SLC25A20: variants seen among roughly 807,000 people sequenced by gnomAD.
SLC25A20 encodes the protein mitochondrial carnitine/acylcarnitine carrier protein.
SLC25A20 carries 29 observed loss-of-function variants against 39.7 expected under a neutral mutation model. The ratio of observed to expected loss-of-function variants is 0.73; its 90% CI spans 0.54 to 1.00. SLC25A20 has a LOEUF of 1.00. Ranked by LOEUF, SLC25A20 falls within the 50% of genes least tolerant of loss-of-function variation. SLC25A20 has a pLI of 0.00. For synonymous variants in SLC25A20, 103 were observed against 142.2 expected, an observed-to-expected ratio of 0.72 and a Z score of 1.96; for missense variants, 333 against 379.9, an observed-to-expected ratio of 0.88 and a Z score of 1.03.
chr3:48,860,706 C>T (rs2083619782), intron 5 of SLC25A20, among the ~76,000 whole-genome samples: 3 of 150,898 alleles, frequency 2.0e-5, no homozygotes, highest in Non-Finnish European at 2.9e-5. Flanking sequence ...AGGAATCACT[C>T]GAACCCAGAA....
intron 2 of SLC25A20, among the ~76,000 whole-genome samples, chr3:48,885,472 C>A (rs1440058787): frequency 6.6e-6 from 1 of 152,000 alleles, no homozygotes; most frequent in Non-Finnish European, 1.5e-5. Flanking sequence ...GCAGTCAGTC[C>A]ACAGGGCAGT....
In SLC25A20 at chr3:48,858,562, G is replaced by A; in HGVS notation, c.788C>T (p.Thr263Ile). 2 of 1,614,208 alleles carry A rather than the reference G, an allele frequency of 1.2e-6. No individual in the cohort carries two copies. Among genetic ancestry groups the A allele is most frequent in the Non-Finnish European group, 1.7e-6 (2 of 1,180,034 alleles). ...TGCATTGAACCCTTTGTACAAGGAT[G>A]TGACTCCTTCATCCCGGATCAGCTC... ...LRELIRDEGVTSLYKGFNAVM... is the reference protein window; with the variant it reads ...LRELIRDEGVISLYKGFNAVM... Residue 263 changes from threonine to isoleucine, a missense_variant, in exon 8 of 9, where the codon ACA becomes ATA. Thr to Ile is a moderately conservative substitution (Grantham distance 89). Coordinates refer to ENST00000319017, the MANE Select transcript of SLC25A20 (RefSeq NM_000387.6).
chr3:48,882,732 T>A (rs1368525717), intron 3 of SLC25A20, among the ~76,000 whole-genome samples: 3 of 151,872 alleles, frequency 2.0e-5, no homozygotes, highest in Admixed American at 2.0e-4. Flanking sequence ...CTAAAAAAAA[T>A]TTAAAAATTA....
intron 6 of SLC25A20, 64 bp downstream of exon 6, chr3:48,859,491 C>T: frequency 3.0e-6 from 4 of 1,321,920 alleles, no homozygotes; most frequent in Admixed American, 3.4e-5. Flanking sequence ...TTCAGATTCA[C>T]CCACAGGAGA....
chr3:48,871,982 ATTTTTTTTTT>A (rs71077746), intron 4 of SLC25A20, among the ~76,000 whole-genome samples: 10 of 56,722 alleles, frequency 1.8e-4, no homozygotes, highest in Admixed American at 3.2e-4. Flanking sequence ...TGCCCAGCTA[ATTTTTTTTTT>A]TTTTTTTTTT....
chr3:48,891,150 C>T lies in SLC25A20; in HGVS notation c.198+830G>A, dbSNP rs2083873027. Among the ~76,000 whole-genome samples the T allele has an allele frequency of 2.6e-5, 4 of 152,144 alleles. No individual in the cohort carries two copies. The South Asian group carries it at 8.3e-4, about 31-fold the overall frequency. ...AAGCCCCGTAGGGCTGGACCCTACA[C>T]TGCAACCTCCCCGTCCTGGGTTCAA... On this transcript the variant is annotated intron_variant, in intron 2 of 8. Transcript: ENST00000319017.
At chr3:48,897,354 T>C (rs1256378447) in intron 1 of SLC25A20, among the ~76,000 whole-genome samples, 20 of 110,102 alleles carry the variant, frequency 1.8e-4, no homozygotes, top group Admixed American at 1.7e-3. Flanking sequence ...TGAATATATA[T>C]ATATATATAT....
chr3:48,859,487 T>G lies in SLC25A20; in HGVS notation c.608+68A>C. On this transcript the variant is annotated intron_variant, in intron 6 of 8. Transcript: ENST00000319017. ...AACAACAACTACTTCTGCTTTCAGATTCACCCACAGGAGAGGGCAACGCAC... is the reference window on the plus strand; with the variant it reads ...AACAACAACTACTTCTGCTTTCAGAGTCACCCACAGGAGAGGGCAACGCAC... 26 of 1,289,422 alleles carry G rather than the reference T, an allele frequency of 2.0e-5. No homozygotes were observed. In the South Asian group the frequency reaches 3.1e-4, roughly 15 times the overall value. 79.9% of individuals were successfully genotyped at this position (1,289,422 alleles called of 1,614,324 possible). A position where few individuals can be genotyped will look rare whatever the true frequency, so the allele number is the denominator to read the frequency against.
chr3:48,871,717 A>T (rs1469598439), intron 4 of SLC25A20, among the ~76,000 whole-genome samples: 1 of 151,244 alleles, frequency 6.6e-6, no homozygotes, highest in Non-Finnish European at 1.5e-5. Flanking sequence ...TGGTGAGCCA[A>T]GATCGCACCA....
intron 2 of SLC25A20, among the ~76,000 whole-genome samples, chr3:48,888,674 C>T (rs1406424716): frequency 6.6e-6 from 1 of 152,112 alleles, no homozygotes; most frequent in Non-Finnish European, 1.5e-5. Flanking sequence ...AACAACTTCG[C>T]CAAGGCTGAG....
At chr3:48,865,782 AAAAAGAAAAG>A (rs557401213) in intron 4 of SLC25A20, among the ~76,000 whole-genome samples, 3 of 150,942 alleles carry the variant, frequency 2.0e-5, no homozygotes, top group African/African-American at 7.3e-5. Flanking sequence ...CAAAAAAAAA[AAAAAGAAAAG>A]AAAAGAAAGA....
chr3:48,866,663 G>C (rs2083671652), intron 4 of SLC25A20, among the ~76,000 whole-genome samples: 1 of 22,976 alleles, frequency 4.4e-5, no homozygotes. Context: ...GAAAAGACTG[G>C]ACAGAAGTTT....
chr3:48,871,546 T>C (rs1357258424), intron 4 of SLC25A20, among the ~76,000 whole-genome samples: 1 of 151,916 alleles, frequency 6.6e-6, no homozygotes, highest in African/African-American at 2.4e-5. Flanking sequence ...GGTGGGCGGA[T>C]CACCTGAAGT....
In SLC25A20 at chr3:48,858,569, C is replaced by A; in HGVS notation, c.781G>T (p.Gly261Ter). The A allele has an allele frequency of 6.2e-7, 1 of 1,612,968 alleles. No individual in the cohort carries two copies. Among genetic ancestry groups the A allele is most frequent in the Non-Finnish European group, 8.5e-7 (1 of 1,179,026 alleles). ...AACCCTTTGTACAAGGATGTGACTC[C>A]TTCATCCCGGATCAGCTCCCTCAGC... ...DVLRELIRDE[G>*]VTSLYKGFNA... is the part of the protein sequence containing the mutation. The change falls in exon 8 of 9, where the codon GGA becomes TGA. Residue 261 changes from glycine (G) to a stop codon, truncating the protein, a stop_gained. Coordinates refer to ENST00000319017, the MANE Select transcript of SLC25A20 (RefSeq NM_000387.6). LOFTEE classifies it high-confidence loss of function.
At chr3:48,863,004 C>T (rs935425841) in intron 4 of SLC25A20, among the ~76,000 whole-genome samples, 14 of 152,118 alleles carry the variant, frequency 9.2e-5, no homozygotes, top group African/African-American at 3.4e-4. Context: ...CCAGCCTGGT[C>T]AACACGGTGA....
chr3:48,858,723 C>T, intron 7 of SLC25A20, 92 bp from the exon 8 acceptor site: 1 of 1,522,140 alleles, frequency 6.6e-7, no homozygotes, highest in Non-Finnish European at 9.1e-7. Context: ...AGGGAAAGGA[C>T]ACCTTGCAGG....
intron 4 of SLC25A20, among the ~76,000 whole-genome samples, chr3:48,871,041 G>T (rs2083711119): frequency 6.6e-6 from 1 of 151,858 alleles, no homozygotes; most frequent in East Asian, 1.9e-4. Flanking sequence ...GGCCAGGCTG[G>T]TCTCAAACTC....
intron 4 of SLC25A20, 147 bp from the exon 5 acceptor site, chr3:48,862,806 A>T: frequency 1.4e-6 from 1 of 690,390 alleles, no homozygotes; most frequent in South Asian, 1.5e-5. Context: ...GGAATGTGTG[A>T]TCTTGGGGCA....
intron 4 of SLC25A20, among the ~76,000 whole-genome samples, chr3:48,875,027 A>C (rs2106648911): frequency 6.9e-6 from 1 of 144,284 alleles, no homozygotes; most frequent in Non-Finnish European, 1.5e-5. Context: ...GTGCCACTGC[A>C]CTCCAGCCTG....
Sources: allele counts gnomAD v4.1 joint callset (sites outside exome capture counted in the v4.1 genomes callset), GRCh38; gene constraint gnomAD v4.1.1; transcripts MANE v1.5; gene names NCBI Gene and HGNC (gene_info 2026-07-23, HGNC 2026-07-21).